ST6GALNAC5: variants seen among roughly 807,000 people sequenced by gnomAD.
ST6GALNAC5 encodes the protein alpha-N-acetylgalactosaminide alpha-2,6-sialyltransferase 5.
ST6GALNAC5 carries 27 observed loss-of-function variants against 33.6 expected under a neutral mutation model. The ratio of observed to expected loss-of-function variants is 0.80; its 90% confidence interval spans 0.59 to 1.11. The LOEUF is 1.11. ST6GALNAC5 is among the 50% of genes least tolerant of loss of function. The pLI, the probability that ST6GALNAC5 is intolerant of heterozygous loss-of-function variation, is 0.00. For missense variants in ST6GALNAC5, 428 were observed against 454.0 expected, an observed-to-expected ratio of 0.94 and a Z score of 0.52; for synonymous variants, 194 against 171.2, an observed-to-expected ratio of 1.13 and a Z score of -1.04.
At chr1:77,017,816 T>C (rs1303710247) in intron 2 of ST6GALNAC5, among the ~76,000 whole-genome samples, 1 of 152,182 alleles carries the variant, frequency 6.6e-6, no homozygotes, top group Non-Finnish European at 1.5e-5. Flanking sequence ...CTTCAGAATA[T>C]GGAGGTCATA....
At chr1:76,918,244 AAAG>A (rs1235898195) in intron 2 of ST6GALNAC5, among the ~76,000 whole-genome samples, 1 of 152,150 alleles carries the variant, frequency 6.6e-6, no homozygotes. Flanking sequence ...AGAGTCAGGA[AAAG>A]AAGAGATCTC....
intron 2 of ST6GALNAC5, among the ~76,000 whole-genome samples, chr1:76,977,480 C>A (rs1649058222): frequency 6.6e-6 from 1 of 152,162 alleles, no homozygotes; most frequent in African/African-American, 2.4e-5. Flanking sequence ...TCCCCTACAC[C>A]TACCTTCCCC....
At position 77,042,470 on chromosome 1, in the gene ST6GALNAC5, G is replaced by A. The variant is rs530297316; in HGVS notation, c.262-1734G>A. On this transcript the variant is annotated intron_variant, in intron 2 of 4. Transcript: ENST00000477717. ...ATGTAAGAGTAATTAGATGTTGGGG[G>A]AATTATGAGAATTTGCAATGGTAGA... Among the ~76,000 whole-genome samples, 153 of 152,294 alleles carry A rather than the reference G, an allele frequency of 1.0e-3. No homozygotes were observed. In the Middle Eastern group the frequency reaches 0.02, roughly 20 times the overall value.
chr1:77,043,774 C>T (rs566928233), intron 2 of ST6GALNAC5, among the ~76,000 whole-genome samples: 1 of 152,240 alleles, frequency 6.6e-6, no homozygotes, highest in African/African-American at 2.4e-5. Context: ...TTGGGAGTAA[C>T]TTTGGACTCA....
intron 2 of ST6GALNAC5, among the ~76,000 whole-genome samples, chr1:77,023,474 G>A (rs376472863): frequency 2.4e-4 from 36 of 152,242 alleles, no homozygotes; most frequent in African/African-American, 7.9e-4. Context: ...TTCCAGCATG[G>A]GTTCCCACTG....
At chr1:76,985,426 T>C (rs930697704) in intron 2 of ST6GALNAC5, among the ~76,000 whole-genome samples, 4 of 151,984 alleles carry the variant, frequency 2.6e-5, no homozygotes, top group African/African-American at 9.7e-5. Flanking sequence ...ACAAAGAGAA[T>C]AAAATACCTA....
chr1:76,884,908 T>C (rs1296149461), intron 2 of ST6GALNAC5, among the ~76,000 whole-genome samples: 1 of 152,140 alleles, frequency 6.6e-6, no homozygotes, highest in Non-Finnish European at 1.5e-5. Context: ...CAGGCTTTTT[T>C]CTGGAATAAG....
intron 2 of ST6GALNAC5, among the ~76,000 whole-genome samples, chr1:77,039,551 G>A (rs1399245607): frequency 6.6e-6 from 1 of 152,224 alleles, no homozygotes; most frequent in Non-Finnish European, 1.5e-5. Flanking sequence ...CTTTGTATGT[G>A]GCAGCAGGTA....
intron 2 of ST6GALNAC5, among the ~76,000 whole-genome samples, chr1:76,992,502 T>TAA (rs1649777006): frequency 2.0e-5 from 3 of 151,890 alleles, no homozygotes; most frequent in Admixed American, 6.6e-5. Context: ...TAATTTAATT[T>TAA]TATTTTATTT....
chr1:76,942,833 T>A (rs1246076231), intron 2 of ST6GALNAC5, among the ~76,000 whole-genome samples: 2 of 152,208 alleles, frequency 1.3e-5, no homozygotes, highest in Admixed American at 6.5e-5. Flanking sequence ...TTAGAACAGC[T>A]CTATCCAGCT....
chr1:76,987,216 T>A (rs543805429), intron 2 of ST6GALNAC5, among the ~76,000 whole-genome samples: 39 of 152,020 alleles, frequency 2.6e-4, no homozygotes, highest in Admixed American at 7.2e-4. Context: ...AGAAAATTTT[T>A]AAAAAGTAGC....
In ST6GALNAC5 at chr1:76,998,021, T is replaced by C. The variant is rs555851871; in HGVS notation, c.262-46183T>C. On this transcript the variant is annotated intron_variant, in intron 2 of 4. Coordinates refer to ENST00000477717, the MANE Select transcript of ST6GALNAC5 (RefSeq NM_030965.3). The stretch of plus-strand genomic sequence containing the variant: ...GGCTTCCCCCTTTTCTCAGCACTCA[T>C]CCTCCCTCCTGCTGCCCTGCGAAGA... Among the ~76,000 whole-genome samples the C allele has an allele frequency of 2.7e-4, 41 of 152,290 alleles. 1 individual carries two copies. Among genetic ancestry groups the C allele is most frequent in the African/African-American group, 9.1e-4 (38 of 41,566 alleles).
intron 2 of ST6GALNAC5, among the ~76,000 whole-genome samples, chr1:77,042,642 G>A (rs558576127): frequency 5.9e-5 from 9 of 152,292 alleles, no homozygotes; most frequent in South Asian, 4.1e-4. Context: ...AAAAGGCTCC[G>A]CACTGACCAA....
chr1:77,010,971 G>T (rs1041961113), intron 2 of ST6GALNAC5, among the ~76,000 whole-genome samples: 1 of 152,214 alleles, frequency 6.6e-6, no homozygotes, highest in Non-Finnish European at 1.5e-5. Flanking sequence ...AGGCAGAAAT[G>T]TCTTCATCCC....
At chr1:76,992,008 T>C (rs952086974) in intron 2 of ST6GALNAC5, among the ~76,000 whole-genome samples, 2 of 152,202 alleles carry the variant, frequency 1.3e-5, no homozygotes, top group Non-Finnish European at 1.5e-5. Context: ...ATTTCTTCAG[T>C]GTTTTCTACA....
chr1:76,993,104 C>A (rs1335229216), intron 2 of ST6GALNAC5, among the ~76,000 whole-genome samples: 2 of 152,164 alleles, frequency 1.3e-5, no homozygotes, highest in African/African-American at 2.4e-5. Flanking sequence ...GTGTGCCATG[C>A]CCCTTTTGCC....
At chr1:77,039,039 A>G (rs1159842942) in intron 2 of ST6GALNAC5, among the ~76,000 whole-genome samples, 2 of 152,222 alleles carry the variant, frequency 1.3e-5, no homozygotes, top group Admixed American at 1.3e-4. Context: ...AAGAGACAGC[A>G]AAAATAAAAT....
intron 2 of ST6GALNAC5, among the ~76,000 whole-genome samples, chr1:76,883,516 G>A (rs1653829634): frequency 6.6e-6 from 1 of 152,232 alleles, no homozygotes; most frequent in Admixed American, 6.5e-5. Context: ...GGGCAGAAGG[G>A]CTTCAGGTAT....
In ST6GALNAC5 at chr1:76,868,592, G is replaced by T. The variant is rs754074993; in HGVS notation, c.111G>T (p.Pro37=). Residue 37 remains proline (P), a synonymous_variant, in exon 2 of 5, where the codon CCG becomes CCT. Transcript: ENST00000477717. The surrounding 1 kb of genome is among the most constrained non-coding windows in gnomAD (Gnocchi z 4.3). ...TCGGCGGCCAGAAGGAGCGGCCCCC[G>T]CAGCAGCAGCAGCAGCAGCAGCAAC... is the stretch of plus-strand genomic sequence containing the variant. ...SSLGGQKERP[P]QQQQQQQQQQ... 1.3e-6 allele frequency: 2 copies of T among 1,516,664 alleles called. No homozygotes were observed. Among genetic ancestry groups the T allele is most frequent in the African/African-American group, 1.4e-5 (1 of 69,078 alleles). The allele number at this position is 1,516,664 out of a possible 1,614,324, so 94.0% of individuals were successfully genotyped here.
Sources: gnomAD v4.1 joint callset for allele counts (sites outside exome capture counted in the v4.1 genomes callset) on GRCh38, gnomAD v4.1.1 for gene constraint, Gnocchi (gnomAD v3.1) non-coding constraint, MANE v1.5 for transcripts, NCBI Gene and HGNC (gene_info 2026-07-23, HGNC 2026-07-21) for gene names.